The following EFR3A variants were observed in gnomAD, a reference collection of about 807,000 sequenced individuals.
EFR3A encodes the protein protein EFR3 homolog A.
Under a neutral mutation model 104.4 loss-of-function variants are expected in EFR3A, and 76 were observed. That is an observed-to-expected ratio of 0.73 (90% CI 0.60 to 0.88). The LOEUF is 0.88. Among genes scored for constraint, EFR3A ranks in the 40% least tolerant of loss-of-function variants. The pLI is 0.00. For synonymous variants in EFR3A, 330 were observed against 330.0 expected (o/e 1.00, Z 0.00); for missense variants, 985 against 1,012.5 (o/e 0.97, Z 0.37).
intron 2 of EFR3A, 103 bp from the exon 3 acceptor site, chr8:131,944,641 GT>G: frequency 6.1e-6 from 7 of 1,155,658 alleles, no homozygotes; most frequent in Non-Finnish European, 4.8e-6. Flanking sequence ...CATAAATATC[GT>G]TTAATCCCCA....
chr8:131,980,648 A>G (rs909037530), intron 14 of EFR3A, among the ~76,000 whole-genome samples: 1 of 151,988 alleles, frequency 6.6e-6, no homozygotes, highest in Non-Finnish European at 1.5e-5. Flanking sequence ...TTGCTTACCT[A>G]TCTTGTTTTA....
At chr8:131,929,602 G>A (rs1374151470) in intron 1 of EFR3A, among the ~76,000 whole-genome samples, 2 of 152,108 alleles carry the variant, frequency 1.3e-5, no homozygotes, top group African/African-American at 4.8e-5. Flanking sequence ...CAGACTACGA[G>A]CTACTAAATG....
intron 5 of EFR3A, among the ~76,000 whole-genome samples, chr8:131,950,332 CT>C (rs1400145898): frequency 1.3e-5 from 2 of 152,116 alleles, no homozygotes; most frequent in Non-Finnish European, 2.9e-5. Flanking sequence ...CTGTCAGATC[CT>C]GTCCTTCTAT....
Position 132,010,818 on chromosome 8 carries a change from A to AC in EFR3A, c.2391dup (p.Ile798HisfsTer15), listed in dbSNP as rs1314887945. Reference sequence around the variant, plus strand: ...TCCTCCCAGTCCATCAGGAACACTGACCATTACTTCTGGGCATGCCCAATA... The same window carrying AC: ...TCCTCCCAGTCCATCAGGAACACTGACCCATTACTTCTGGGCATGCCCAATA... On this transcript the variant is annotated frameshift_variant, in exon 23 of 23. Transcript: ENST00000254624. LOFTEE classifies it high-confidence loss of function. 1 of 1,612,356 alleles carries AC rather than the reference A, an allele frequency of 6.2e-7. No homozygotes were observed. Among genetic ancestry groups the AC allele is most frequent in the Non-Finnish European group, 8.5e-7 (1 of 1,178,880 alleles).
chr8:131,956,126 A>C (rs1469154703), intron 7 of EFR3A, among the ~76,000 whole-genome samples: 2 of 152,200 alleles, frequency 1.3e-5, no homozygotes, highest in Non-Finnish European at 2.9e-5. Context: ...AAGTGTAATA[A>C]TGTGTTAATA....
chr8:131,996,345 A>G, intron 18 of EFR3A, 61 bp from the exon 19 acceptor site: 1 of 1,066,498 alleles, frequency 9.4e-7, no homozygotes, highest in Non-Finnish European at 1.3e-6. Context: ...AGTAGAGTTT[A>G]TAAATGAAAA....
intron 8 of EFR3A, among the ~76,000 whole-genome samples, chr8:131,966,741 C>T (rs1394106898): frequency 6.6e-6 from 1 of 152,072 alleles, no homozygotes; most frequent in Non-Finnish European, 1.5e-5. Flanking sequence ...ACTTCACCAC[C>T]ACTGTATTAT....
chr8:131,937,512 T>A (rs1817957519), intron 1 of EFR3A, among the ~76,000 whole-genome samples: 1 of 152,192 alleles, frequency 6.6e-6, no homozygotes, highest in Admixed American at 6.5e-5. Flanking sequence ...CTATTTCATA[T>A]TCTTCTAGTG....
Position 131,976,083 on chromosome 8 carries a change from A to G in EFR3A, c.1216A>G (p.Met406Val). 6.2e-7 allele frequency: 1 copy of G among 1,607,800 alleles called. No individual in the cohort carries two copies. The highest frequency in any genetic ancestry group is 1.1e-5 in the South Asian group (1 of 89,406). Residue 406 changes from methionine (M) to valine (V), a missense_variant, in exon 11 of 23, where the codon ATG (methionine) becomes GTG (valine). Physicochemically the swap from Met to Val is conservative, Grantham distance 21 (BLOSUM62 1). Coordinates refer to ENST00000254624, the MANE Select transcript of EFR3A (RefSeq NM_015137.6). ...GAGGTCAGAAATCATGATGTTCATT[A>G]TGGGGAAAGTACCTGTCTTTGGAAC... ...YQRSEIMMFI[M>V]GKVPVFGTST...
chr8:131,963,928 G>C (rs975171953), intron 8 of EFR3A, among the ~76,000 whole-genome samples: 9 of 152,048 alleles, frequency 5.9e-5, no homozygotes, highest in African/African-American at 1.9e-4. Context: ...TACGCAAATC[G>C]ATAAATGTAA....
rs542833823 is a variant in EFR3A at position 132,011,085 on chromosome 8, A to G, written c.*190A>G. 4.8e-6 allele frequency: 6 copies of G among 1,246,570 alleles called. No individual in the cohort carries two copies. Among genetic ancestry groups the G allele is most frequent in the Non-Finnish European group, 6.1e-6 (6 of 989,788 alleles). 77.2% of individuals were successfully genotyped at this position (1,246,570 alleles called of 1,614,324 possible). On this transcript the variant is annotated 3_prime_UTR_variant, in exon 23 of 23. Transcript: ENST00000254624. ...TATATAATTTCGAGTACTTTCAAAG[A>G]TAGATTTATGCCATGTTAATTTGCT... is the stretch of plus-strand genomic sequence containing the variant.
intron 1 of EFR3A, among the ~76,000 whole-genome samples, chr8:131,938,762 T>C (rs911515660): frequency 6.6e-5 from 10 of 152,138 alleles, no homozygotes; most frequent in Non-Finnish European, 1.2e-4. Flanking sequence ...CAGGTCTGGG[T>C]TGGAATTGCA....
At chr8:131,990,093 T>C (rs1020002054) in intron 18 of EFR3A, among the ~76,000 whole-genome samples, 2 of 152,206 alleles carry the variant, frequency 1.3e-5, no homozygotes, top group Non-Finnish European at 2.9e-5. Flanking sequence ...TGCCAGCTGC[T>C]GTGCAAGCAA....
chr8:131,916,024 TAAAC>T (rs1816730356), intron 1 of EFR3A, among the ~76,000 whole-genome samples: 1 of 152,170 alleles, frequency 6.6e-6, no homozygotes, highest in Non-Finnish European at 1.5e-5. Flanking sequence ...AGCACGTAGT[TAAAC>T]TGATGAGACA....
chr8:131,946,720 G>C, intron 4 of EFR3A, 87 bp downstream of exon 4: 1 of 1,291,454 alleles, frequency 7.7e-7, no homozygotes, highest in East Asian at 2.8e-5. Flanking sequence ...ACCTGGTAAA[G>C]GCAAATTCCC....
intron 18 of EFR3A, among the ~76,000 whole-genome samples, chr8:131,992,520 A>G (rs1240056797): frequency 6.6e-6 from 1 of 152,180 alleles, no homozygotes; most frequent in African/African-American, 2.4e-5. Context: ...AGTGTACATG[A>G]CGGTAGTACA....
chr8:131,910,461 TG>T (rs1202094421), intron 1 of EFR3A, among the ~76,000 whole-genome samples: 3 of 152,120 alleles, frequency 2.0e-5, no homozygotes, highest in Non-Finnish European at 4.4e-5. Flanking sequence ...TGAGTAGAGA[TG>T]GGGTTTCACC....
chr8:131,935,205 A>G (rs971484101), intron 1 of EFR3A, among the ~76,000 whole-genome samples: 1 of 152,164 alleles, frequency 6.6e-6, no homozygotes, highest in Non-Finnish European at 1.5e-5. Context: ...TTAGTGTTTT[A>G]TGGTGGACAG....
At chr8:131,979,085 G>T (rs1339868600) in intron 13 of EFR3A, 66 bp downstream of exon 13, 8 of 1,396,684 alleles carry the variant, frequency 5.7e-6, no homozygotes, top group South Asian at 1.5e-5. Flanking sequence ...GTGTATTTAA[G>T]TATTGTGATT....
Sources: allele counts gnomAD v4.1 joint callset (sites outside exome capture counted in the v4.1 genomes callset), GRCh38; gene constraint gnomAD v4.1.1; transcripts MANE v1.5; gene names NCBI Gene and HGNC (gene_info 2026-07-23, HGNC 2026-07-21).